Variants in SRGAP1 observed in about 807,000 individuals in gnomAD.
SRGAP1 encodes the protein SLIT-ROBO Rho GTPase-activating protein 1.
SRGAP1 carries 43 observed loss-of-function variants against 121.9 expected under a neutral mutation model. The observed-to-expected ratio is 0.35, with a 90% CI of 0.28 to 0.46. SRGAP1 has a LOEUF of 0.46. Ranked by LOEUF, SRGAP1 falls within the 20% of genes least tolerant of loss-of-function variation. The pLI is 1.00. For synonymous variants in SRGAP1, 447 were observed against 485.4 expected (o/e 0.92, Z 1.04); for missense variants, 1,102 against 1,350.9 (o/e 0.82, Z 2.89).
At chr12:63,986,992 G>A (rs951872807) in intron 2 of SRGAP1, among the ~76,000 whole-genome samples, 2 of 152,188 alleles carry the variant, frequency 1.3e-5, no homozygotes, top group African/African-American at 4.8e-5. Flanking sequence ...AAAAAAGTCA[G>A]CCAGACTTGG....
chr12:63,863,065 A>G (rs535871564), intron 1 of SRGAP1, among the ~76,000 whole-genome samples: 4 of 152,238 alleles, frequency 2.6e-5, no homozygotes, highest in Non-Finnish European at 5.9e-5. Context: ...GGCTGTGACA[A>G]GTTTTCACTT....
At chr12:64,002,045 T>A (rs1204886816) in intron 3 of SRGAP1, among the ~76,000 whole-genome samples, 2 of 152,198 alleles carry the variant, frequency 1.3e-5, no homozygotes, top group African/African-American at 4.8e-5. Flanking sequence ...CATTATGTTT[T>A]CCACTTCTTT....
chr12:64,097,148 G>A, intron 14 of SRGAP1, 93 bp from the exon 15 acceptor site: 1 of 1,277,636 alleles, frequency 7.8e-7, no homozygotes. Context: ...AAAGATACAT[G>A]TATATATAGC....
At chr12:63,974,001 C>T (rs1282669841) in intron 1 of SRGAP1, among the ~76,000 whole-genome samples, 10 of 152,076 alleles carry the variant, frequency 6.6e-5, no homozygotes. Flanking sequence ...TCAATAATTC[C>T]CACACACTGT....
At chr12:63,958,711 GTT>G (rs1431634321) in intron 1 of SRGAP1, among the ~76,000 whole-genome samples, 2 of 152,258 alleles carry the variant, frequency 1.3e-5, no homozygotes, top group East Asian at 3.9e-4. Flanking sequence ...TTCTGCAAGT[GTT>G]ACTTTGAAAA....
chr12:64,081,999 G>GTTTTTTTTTTTTTTTT, intron 10 of SRGAP1: 1 of 7,518 alleles, frequency 1.3e-4, no homozygotes, highest in Non-Finnish European at 2.9e-4. Flanking sequence ...GTCATGTAAG[G>GTTTTTTTTTTTTTTTT]TCTTTTTTTT....
intron 21 of SRGAP1, among the ~76,000 whole-genome samples, chr12:64,128,975 T>G (rs2036742531): frequency 6.6e-6 from 1 of 152,138 alleles, no homozygotes; most frequent in South Asian, 2.1e-4. Context: ...TGAGAACATA[T>G]GTTCGTAGGC....
chr12:64,122,299 C>T (rs116349460), intron 18 of SRGAP1, among the ~76,000 whole-genome samples: 1,891 of 152,246 alleles, frequency 0.012, 30 homozygotes, highest in African/African-American at 0.043. Context: ...TCTATGAAGT[C>T]TCTGCAGGAC....
chr12:64,125,558 A>G (rs765613475), intron 18 of SRGAP1, among the ~76,000 whole-genome samples: 3 of 152,210 alleles, frequency 2.0e-5, no homozygotes, highest in Admixed American at 6.5e-5. Context: ...TTTCCATGTT[A>G]TAAATGGTAT....
chr12:64,034,241 G>T (rs946698327), intron 4 of SRGAP1, among the ~76,000 whole-genome samples: 2 of 151,978 alleles, frequency 1.3e-5, no homozygotes. Context: ...ACAAGATCTG[G>T]CTGTTTAAAA....
chr12:63,995,946 A>T (rs2033686900), intron 3 of SRGAP1, among the ~76,000 whole-genome samples: 1 of 152,078 alleles, frequency 6.6e-6, no homozygotes, highest in Admixed American at 6.6e-5. Context: ...AAATAGGTTA[A>T]TATTCAAACA....
chr12:64,078,539 C>G (rs768677204), intron 8 of SRGAP1, among the ~76,000 whole-genome samples: 4 of 152,180 alleles, frequency 2.6e-5, no homozygotes, highest in Non-Finnish European at 5.9e-5. Context: ...TTTTCTTGGT[C>G]TGATTGTTAC....
At chr12:64,022,689 C>T (rs1021569112) in intron 4 of SRGAP1, among the ~76,000 whole-genome samples, 1 of 152,170 alleles carries the variant, frequency 6.6e-6, no homozygotes, top group African/African-American at 2.4e-5. Context: ...TTCTGGTGTG[C>T]ACAACTCTGC....
At chr12:63,982,751 G>C (rs2033288061) in intron 1 of SRGAP1, 1 of 151,922 alleles carries the variant, frequency 6.6e-6, no homozygotes, top group African/African-American at 2.4e-5. Context: ...TCTTGTCTTT[G>C]GAGCTTAGCC....
At chr12:64,009,979 C>G (rs1401503582) in intron 3 of SRGAP1, among the ~76,000 whole-genome samples, 4 of 152,140 alleles carry the variant, frequency 2.6e-5, no homozygotes, top group African/African-American at 4.8e-5. Context: ...GACGCTGTTG[C>G]CTGTGTCTTC....
intron 1 of SRGAP1, among the ~76,000 whole-genome samples, chr12:63,948,766 G>GTA (rs940310141): frequency 7.3e-5 from 10 of 136,960 alleles, no homozygotes; most frequent in African/African-American, 1.6e-4. Context: ...TATTTTCCAT[G>GTA]TATATATATA....
At chr12:63,992,591 C>T (rs1593012904) in intron 3 of SRGAP1, among the ~76,000 whole-genome samples, 5 of 151,186 alleles carry the variant, frequency 3.3e-5, no homozygotes, top group African/African-American at 4.9e-5. Context: ...AGCTAGCAGC[C>T]GGTATTCCCA....
intron 6 of SRGAP1, among the ~76,000 whole-genome samples, chr12:64,058,566 C>G (rs2035386618): frequency 6.6e-6 from 1 of 152,004 alleles, no homozygotes; most frequent in Non-Finnish European, 1.5e-5. Context: ...AATTTTAATC[C>G]ATAATTTTAT....
Position 64,078,979 on chromosome 12 carries a change from T to C in SRGAP1, c.1186T>C (p.Tyr396His). 1 of 1,614,136 alleles carries C rather than the reference T, an allele frequency of 6.2e-7. No individual in the cohort carries two copies. The highest frequency in any genetic ancestry group is 8.5e-7 in the Non-Finnish European group (1 of 1,180,008). Residue 396 changes from tyrosine (Y) to histidine (H), a missense_variant, in exon 9 of 22, where the codon TAT becomes CAT. By Grantham distance (83) the Tyr-to-His change is moderately conservative. Coordinates refer to ENST00000355086, the MANE Select transcript of SRGAP1 (RefSeq NM_020762.4). ...ACAAGATATGGTCACCATCGAGGAC[T>C]ATGATGTTTCTGAATGCTTCCAGCA... is the stretch of plus-strand genomic sequence containing the variant. ...TIQDMVTIED[Y>H]DVSECFQHSR...
Sources: gnomAD v4.1 joint callset for allele counts (sites outside exome capture counted in the v4.1 genomes callset) on GRCh38, gnomAD v4.1.1 for gene constraint, MANE v1.5 for transcripts, NCBI Gene and HGNC (gene_info 2026-07-23, HGNC 2026-07-21) for gene names.